Variants in LRMDA observed in about 807,000 individuals in gnomAD.
The protein encoded by LRMDA is leucine-rich melanocyte differentiation-associated protein.
Under a neutral mutation model 29.8 loss-of-function variants are expected in LRMDA, and 18 were observed. The ratio of observed to expected loss-of-function variants is 0.60; its 90% CI spans 0.42 to 0.90. The LOEUF is 0.90. Among genes scored for constraint, LRMDA ranks in the 40% least tolerant of loss-of-function variants. The pLI is 0.00. For synonymous variants in LRMDA, 125 were observed against 109.4 expected (o/e 1.14, Z -0.89); for missense variants, 273 against 273.9 (o/e 1.00, Z 0.02).
chr10:76,447,594 GTATTGGGGA>G (rs1564544303), intron 6 of LRMDA, among the ~76,000 whole-genome samples: 3 of 152,158 alleles, frequency 2.0e-5, no homozygotes, highest in Admixed American at 2.0e-4. Context: ...TCTCATAGTG[GTATTGGGGA>G]TATTGCAGAT....
At chr10:75,776,381 T>A (rs991682750) in intron 2 of LRMDA, among the ~76,000 whole-genome samples, 9 of 152,178 alleles carry the variant, frequency 5.9e-5, no homozygotes, top group South Asian at 2.1e-4. Context: ...AACCACTAGG[T>A]TTTCCTGTAC....
chr10:76,424,923 T>C (rs1281294061), intron 6 of LRMDA, among the ~76,000 whole-genome samples: 1 of 151,928 alleles, frequency 6.6e-6, no homozygotes, highest in African/African-American at 2.4e-5. Context: ...AGGAGTAGAG[T>C]TTTAATCTTC....
chr10:75,947,521 T>C (rs1438589970), intron 2 of LRMDA, among the ~76,000 whole-genome samples: 1 of 152,136 alleles, frequency 6.6e-6, no homozygotes, highest in African/African-American at 2.4e-5. Flanking sequence ...GCCACTGCAG[T>C]AGAAGGGAAG....
intron 2 of LRMDA, among the ~76,000 whole-genome samples, chr10:75,472,883 G>T (rs746659997): frequency 7.9e-5 from 12 of 152,242 alleles, no homozygotes; most frequent in Non-Finnish European, 1.6e-4. Context: ...GGAAGCAGGA[G>T]GGTGGGCGTG....
At chr10:75,958,892 G>A (rs1489559368) in intron 2 of LRMDA, among the ~76,000 whole-genome samples, 1 of 152,220 alleles carries the variant, frequency 6.6e-6, no homozygotes, top group South Asian at 2.1e-4. Flanking sequence ...TGGCAGATGA[G>A]AGAAATGAGA....
intron 2 of LRMDA, among the ~76,000 whole-genome samples, chr10:75,776,135 A>G (rs1015368366): frequency 6.6e-6 from 1 of 152,166 alleles, no homozygotes; most frequent in African/African-American, 2.4e-5. Flanking sequence ...TTATTGATCA[A>G]CTCAGAACCA....
intron 2 of LRMDA, among the ~76,000 whole-genome samples, chr10:75,715,524 AT>A (rs1842489350): frequency 6.6e-6 from 1 of 152,152 alleles, no homozygotes; most frequent in African/African-American, 2.4e-5. Flanking sequence ...TGCAATATGT[AT>A]TTGCACATAT....
At chr10:76,196,436 C>T (rs576530577) in intron 5 of LRMDA, among the ~76,000 whole-genome samples, 1 of 152,262 alleles carries the variant, frequency 6.6e-6, no homozygotes, top group South Asian at 2.1e-4. Flanking sequence ...ATGTTCTCAC[C>T]CACCTGAGGC....
chr10:76,255,976 T>C (rs1241075555), intron 5 of LRMDA, among the ~76,000 whole-genome samples: 8 of 152,258 alleles, frequency 5.3e-5, no homozygotes, highest in African/African-American at 1.9e-4. Context: ...AATGGCATCA[T>C]GTGACCAGTT....
intron 6 of LRMDA, among the ~76,000 whole-genome samples, chr10:76,415,098 T>G (rs1243811525): frequency 6.6e-6 from 1 of 152,248 alleles, no homozygotes; most frequent in Admixed American, 6.5e-5. Flanking sequence ...TGGCTCCATG[T>G]GTCTCTGCCT....
intron 6 of LRMDA, among the ~76,000 whole-genome samples, chr10:76,457,316 C>T (rs1009385479): frequency 3.9e-5 from 6 of 152,134 alleles, no homozygotes; most frequent in African/African-American, 1.4e-4. Context: ...ATCTGTAGCC[C>T]CCAAATCAAT....
At position 76,558,407 on chromosome 10, in the gene LRMDA, T is replaced by A. The variant is rs1843584860; in HGVS notation, c.*1119T>A. 1 of 152,256 alleles carries A rather than the reference T, an allele frequency of 6.6e-6. No homozygotes were observed. Among genetic ancestry groups the A allele is most frequent in the Non-Finnish European group, 1.5e-5 (1 of 68,036 alleles). 9.4% of individuals were successfully genotyped at this position (152,256 alleles called of 1,614,324 possible). ...GTTGTGAGACAGTGCTCTGTCTTCC[T>A]GTATGCTTGGCTGTGCACTAGCACT... On this transcript the variant is annotated 3_prime_UTR_variant, in exon 7 of 7. Coordinates refer to ENST00000611255, the MANE Select transcript of LRMDA (RefSeq NM_001305581.2).
At chr10:75,642,990 C>T (rs1841473619) in intron 2 of LRMDA, 1 of 152,160 alleles carries the variant, frequency 6.6e-6, no homozygotes, top group African/African-American at 2.4e-5. Flanking sequence ...GCTGGAAGGA[C>T]TCAAAGACTG....
intron 6 of LRMDA, among the ~76,000 whole-genome samples, chr10:76,481,049 T>C (rs959034074): frequency 2.6e-5 from 4 of 151,932 alleles, no homozygotes; most frequent in African/African-American, 9.7e-5. Flanking sequence ...ATTTGTAGCT[T>C]ATTGATATTC....
intron 2 of LRMDA, among the ~76,000 whole-genome samples, chr10:75,723,765 G>C (rs1842597881): frequency 6.6e-6 from 1 of 152,226 alleles, no homozygotes; most frequent in South Asian, 2.1e-4. Context: ...CTGATGTATG[G>C]TGTAGCGGTG....
chr10:75,986,134 G>C (rs907014629), intron 2 of LRMDA, among the ~76,000 whole-genome samples: 1 of 152,198 alleles, frequency 6.6e-6, no homozygotes, highest in South Asian at 2.1e-4. Context: ...AGTGAGGAGA[G>C]AGTCATGAGC....
intron 6 of LRMDA, among the ~76,000 whole-genome samples, chr10:76,347,254 G>A (rs1214014908): frequency 6.6e-6 from 1 of 151,950 alleles, no homozygotes; most frequent in African/African-American, 2.4e-5. Flanking sequence ...ATCTCTATTT[G>A]TCATCCTAAA....
At position 75,700,437 on chromosome 10, in the gene LRMDA, C is replaced by CT. The variant is rs1156446140; in HGVS notation, c.131+261959dup. On this transcript the variant is annotated intron_variant, in intron 2 of 6. Transcript: ENST00000611255. ...TAAAATCTTTATTTCCTTTCTCATT[C>CT]TTTTTTTTTTTTTTTTGAGATGGAG... Among the ~76,000 whole-genome samples the CT allele has an allele frequency of 9.6e-3, 1,306 of 135,632 alleles. 13 individuals carry two copies. The highest frequency in any genetic ancestry group is 0.02 in the African/African-American group (752 of 37,144). 89.0% of individuals were successfully genotyped at this position (135,632 alleles called of 152,430 possible).
At chr10:75,877,360 C>T (rs972111294) in intron 2 of LRMDA, among the ~76,000 whole-genome samples, 2 of 152,228 alleles carry the variant, frequency 1.3e-5, no homozygotes, top group African/African-American at 4.8e-5. Flanking sequence ...TCCTCCAAAG[C>T]ATCTTCCCGA....
Sources: allele counts gnomAD v4.1 joint callset (sites outside exome capture counted in the v4.1 genomes callset), GRCh38; gene constraint gnomAD v4.1.1; transcripts MANE v1.5; gene names NCBI Gene and HGNC (gene_info 2026-07-23, HGNC 2026-07-21).